Variants in CFAP58 observed in about 807,000 individuals in gnomAD.
The protein encoded by CFAP58 is cilia and flagella associated protein 58.
CFAP58 carries 88 observed loss-of-function variants against 119.5 expected under a neutral mutation model. The ratio of observed to expected loss-of-function variants is 0.74; its 90% CI spans 0.62 to 0.88. The LOEUF (loss-of-function observed/expected upper bound fraction) is 0.88. CFAP58 is among the 40% of genes least tolerant of loss of function. The probability of loss-of-function intolerance (pLI) is 0.00; values close to 1 mark genes in which losing one functional copy is unlikely to be tolerated. For synonymous variants in CFAP58, 365 were observed against 366.3 expected (o/e 1.00, Z 0.04); for missense variants, 990 against 1,021.2 (o/e 0.97, Z 0.42).
chr10:104,362,017 A>G lies in CFAP58; in HGVS notation c.292-6A>G. 1 of 1,612,750 alleles carries G rather than the reference A, an allele frequency of 6.2e-7. No homozygotes were observed. Among genetic ancestry groups the G allele is most frequent in the Non-Finnish European group, 8.5e-7 (1 of 1,179,450 alleles). Reference sequence around the variant, plus strand: ...CTTTCTCACTGATATCCTATGGCCCATCTAGGAAATTGAAAAGGCCTGGAA... The same window carrying G: ...CTTTCTCACTGATATCCTATGGCCCGTCTAGGAAATTGAAAAGGCCTGGAA... On this transcript the variant is annotated splice_polypyrimidine_tract_variant and splice_region_variant and intron_variant, in intron 2 of 17. Transcript: ENST00000369704.
At chr10:104,377,606 G>A (rs1476236266) in intron 8 of CFAP58, among the ~76,000 whole-genome samples, 1 of 152,190 alleles carries the variant, frequency 6.6e-6, no homozygotes, top group Non-Finnish European at 1.5e-5. Context: ...GCCAGGTGTG[G>A]ATGGCTGGGT....
At chr10:104,389,892 A>G (rs1345520477) in intron 9 of CFAP58, among the ~76,000 whole-genome samples, 1 of 152,198 alleles carries the variant, frequency 6.6e-6, no homozygotes, top group Non-Finnish European at 1.5e-5. Flanking sequence ...GGGAAAATGC[A>G]TGCAGAATCC....
rs2012090167 is a variant in CFAP58 at position 104,393,381 on chromosome 10, A to G, written c.1580A>G (p.Asp527Gly). ...TTAAAGATTATGATCCATCAGGTAG[A>G]TGAGCTGAAAGAAGACATCTCTGCC... ...RKLKIMIHQVDELKEDISAKE... is the reference protein window; with the variant it reads ...RKLKIMIHQVGELKEDISAKE... Residue 527 changes from aspartate (D) to glycine (G), a missense_variant, in exon 11 of 18, where the codon GAT becomes GGT. By Grantham distance (94) the Asp-to-Gly change is moderately conservative (BLOSUM62 -1). Transcript: ENST00000369704. The G allele has an allele frequency of 6.2e-7, 1 of 1,613,862 alleles. No individual in the cohort carries two copies. The highest frequency in any genetic ancestry group is 8.5e-7 in the Non-Finnish European group (1 of 1,179,846).
chr10:104,426,936 A>G lies in CFAP58; in HGVS notation c.2256+20143A>G, dbSNP rs2012760205. Among the ~76,000 whole-genome samples, 5 of 152,208 alleles carry G rather than the reference A, an allele frequency of 3.3e-5. No homozygotes were observed. The South Asian group carries it at 1.0e-3, about 31-fold the overall frequency. On this transcript the variant is annotated intron_variant, in intron 15 of 17. Transcript: ENST00000369704. ...CCTCACTTATTGCTTTGTTTACAGT[A>G]TCAGTTATTTTAAAAAATTAGTTGG...
At chr10:104,371,481 T>C (rs1009241535) in intron 7 of CFAP58, among the ~76,000 whole-genome samples, 2 of 152,218 alleles carry the variant, frequency 1.3e-5, no homozygotes, top group African/African-American at 4.8e-5. Flanking sequence ...AATGAATGGC[T>C]TCTAACATCT....
In CFAP58 at chr10:104,412,975, A is replaced by G. The variant is rs190108648; in HGVS notation, c.2256+6182A>G. On this transcript the variant is annotated intron_variant, in intron 15 of 17. Coordinates refer to ENST00000369704, the MANE Select transcript of CFAP58 (RefSeq NM_001008723.2). Reference sequence around the variant, plus strand: ...TCCCGTAACTTAACTTCTTCCTTATACCACTCATCACACTTGTAATTAATG... The same window carrying G: ...TCCCGTAACTTAACTTCTTCCTTATGCCACTCATCACACTTGTAATTAATG... Among the ~76,000 whole-genome samples, 546 of 152,260 alleles carry G rather than the reference A, an allele frequency of 3.6e-3. 2 individuals are homozygous for G. The highest frequency in any genetic ancestry group is 0.011 in the African/African-American group (453 of 41,530).
chr10:104,432,607 A>G (rs2012867325), intron 15 of CFAP58, among the ~76,000 whole-genome samples: 1 of 152,088 alleles, frequency 6.6e-6, no homozygotes, highest in Non-Finnish European at 1.5e-5. Context: ...GGTTCAAACA[A>G]TTCTCCTGCC....
At chr10:104,367,949 G>A (rs767423873) in intron 5 of CFAP58, among the ~76,000 whole-genome samples, 21 of 152,210 alleles carry the variant, frequency 1.4e-4, no homozygotes, top group Non-Finnish European at 5.9e-5. Context: ...AAAGAAAATT[G>A]TCTCTGTGTT....
At chr10:104,419,685 GGATCCTGTGTA>G (rs952658557) in intron 15 of CFAP58, among the ~76,000 whole-genome samples, 2 of 151,992 alleles carry the variant, frequency 1.3e-5, no homozygotes, top group Non-Finnish European at 2.9e-5. Context: ...TCAAGAGCAT[GGATCCTGTGTA>G]TGTGGTGACT....
At chr10:104,409,938 T>C (rs1217428700) in intron 15 of CFAP58, among the ~76,000 whole-genome samples, 1 of 152,156 alleles carries the variant, frequency 6.6e-6, no homozygotes, top group Non-Finnish European at 1.5e-5. Context: ...TTTTTTGTAA[T>C]GCTCAAAAAA....
rs1164824713 is a variant in CFAP58 at position 104,438,667 on chromosome 10, G to A, written c.2257-9031G>A. On this transcript the variant is annotated intron_variant, in intron 15 of 17. Transcript: ENST00000369704. ...TGGGATTACAGGCGTGAGCCACCGC[G>A]CCCGGCCCATCAATGGGAATTTTTA... Among the ~76,000 whole-genome samples, 5 of 152,268 alleles carry A rather than the reference G, an allele frequency of 3.3e-5. No individual in the cohort carries two copies. In the South Asian group the frequency reaches 6.2e-4, roughly 19 times the overall value.
chr10:104,418,505 G>A (rs995313827), intron 15 of CFAP58, among the ~76,000 whole-genome samples: 2 of 152,162 alleles, frequency 1.3e-5, no homozygotes, highest in Non-Finnish European at 2.9e-5. Context: ...CCAAGATAGA[G>A]CCACTGCAGT....
At position 104,392,333 on chromosome 10, in the gene CFAP58, A is replaced by G; in HGVS notation, c.1466A>G (p.Asn489Ser). The change falls in exon 10 of 18, where the codon AAC (asparagine) becomes AGC (serine). Residue 489 changes from asparagine (N) to serine (S), a missense_variant. Transcript: ENST00000369704. ...ESEIKLKQQQ[N>S]LYEAVRSDRN... ...GAGATTAAATTAAAACAGCAACAGA[A>G]CCTATATGAAGCTGTGAGATCAGAC... is the stretch of plus-strand genomic sequence containing the variant. 1.2e-6 allele frequency: 2 copies of G among 1,612,326 alleles called. No homozygotes were observed. Among genetic ancestry groups the G allele is most frequent in the Non-Finnish European group, 1.7e-6 (2 of 1,179,194 alleles).
intron 9 of CFAP58, among the ~76,000 whole-genome samples, chr10:104,380,960 G>A (rs1380842542): frequency 6.6e-6 from 1 of 152,160 alleles, no homozygotes; most frequent in Admixed American, 6.5e-5. Context: ...GACTAGCCTG[G>A]ACAGCACGGT....
At chr10:104,353,603 A>G, upstream of CFAP58, 1 of 446,582 alleles carries the variant, frequency 2.2e-6, no homozygotes, top group Admixed American at 3.7e-5. Context: ...CCAGCCTCTC[A>G]GGGGCACCGC....
At chr10:104,361,062 C>T (rs181368201) in intron 2 of CFAP58, among the ~76,000 whole-genome samples, 41 of 152,330 alleles carry the variant, frequency 2.7e-4, no homozygotes, top group Non-Finnish European at 8.8e-5. Flanking sequence ...TCAATCACCT[C>T]CCACCAGGCC....
chr10:104,365,718 C>A, intron 4 of CFAP58, 96 bp from the exon 5 acceptor site: 1 of 1,090,806 alleles, frequency 9.2e-7, no homozygotes, highest in Non-Finnish European at 1.3e-6. Flanking sequence ...GCTGCCTTGA[C>A]AATCACAGAC....
the CFAP58 span, among the ~76,000 whole-genome samples, chr10:104,344,704 T>A: frequency 1.3e-5 from 2 of 152,110 alleles, no homozygotes; most frequent in South Asian, 4.1e-4. Flanking sequence ...GTTTAAATTG[T>A]CCTGCTTAAT....
At chr10:104,353,758 GC>G, upstream of CFAP58, 1 of 948,954 alleles carries the variant, frequency 1.1e-6, no homozygotes, top group Non-Finnish European at 1.6e-6. Flanking sequence ...CAGGCGACGG[GC>G]CGACGCGCCG....
Sources: allele counts gnomAD v4.1 joint callset (sites outside exome capture counted in the v4.1 genomes callset), GRCh38; gene constraint gnomAD v4.1.1; transcripts MANE v1.5; gene names NCBI Gene and HGNC (gene_info 2026-07-23, HGNC 2026-07-21).